Variants in RBM4B observed in about 807,000 individuals in gnomAD.
The protein encoded by RBM4B is RNA binding motif protein 4B.
In RBM4B, 13 loss-of-function variants were observed where a neutral mutation model predicts 28.5. That is an observed-to-expected ratio of 0.46 (90% confidence interval 0.30 to 0.72). RBM4B has a LOEUF of 0.72. Ranked by LOEUF, RBM4B falls within the 30% of genes least tolerant of loss-of-function variation. RBM4B has a pLI of 0.09. For missense variants in RBM4B, 387 were observed against 477.6 expected, an observed-to-expected ratio of 0.81 and a Z score of 1.77; for synonymous variants, 167 against 179.1, an observed-to-expected ratio of 0.93 and a Z score of 0.54.
intron 3 of RBM4B, chr11:66,666,430 A>G: frequency 6.1e-6 from 6 of 988,078 alleles, no homozygotes; most frequent in Non-Finnish European, 7.2e-6. Flanking sequence ...TGGCAGCCTC[A>G]TTAACATCAG....
At chr11:66,672,518 C>A (rs1204411106) in intron 2 of RBM4B, among the ~76,000 whole-genome samples, 1 of 139,298 alleles carries the variant, frequency 7.2e-6, no homozygotes, top group Non-Finnish European at 1.5e-5. Flanking sequence ...GGGGGGGGGA[C>A]AGATTCTTGC....
At chr11:66,676,266 TA>T in intron 2 of RBM4B, 1 of 279,536 alleles carries the variant, frequency 3.6e-6, no homozygotes, top group South Asian at 9.4e-5. Context: ...GTAAAGAATA[TA>T]AATCTTAAGC....
At position 66,677,788 on chromosome 11, in the gene RBM4B, G is replaced by C. The variant is rs1235796665; in HGVS notation, c.-37C>G. The stretch of plus-strand genomic sequence containing the variant: ...CCTCCGGGTGGCGGCAGCGACGGCG[G>C]CTCCCACGTCAGAGAGAACCTTACA... On this transcript the variant is annotated 5_prime_UTR_variant, in exon 1 of 4. Transcript: ENST00000310046. 1 of 152,720 alleles carries C rather than the reference G, an allele frequency of 6.5e-6. No individual in the cohort carries two copies. The highest frequency in any genetic ancestry group is 1.5e-5 in the Non-Finnish European group (1 of 68,162). 9.5% of individuals were successfully genotyped at this position (152,720 alleles called of 1,614,324 possible). A position where few individuals can be genotyped will look rare whatever the true frequency, so the allele number is the denominator to read the frequency against.
At chr11:66,677,356 G>T in intron 1 of RBM4B, 1 of 520,906 alleles carries the variant, frequency 1.9e-6, no homozygotes, top group Non-Finnish European at 3.4e-6. Flanking sequence ...ACCAGAATTA[G>T]CTGCTTCATG....
intron 3 of RBM4B, chr11:66,666,144 T>G: frequency 1.4e-6 from 1 of 740,636 alleles, no homozygotes; most frequent in Non-Finnish European, 2.0e-6. Context: ...ACAGTTCCAG[T>G]AGTTCCCCTA....
intron 1 of RBM4B, 102 bp from the exon 2 acceptor site, chr11:66,677,193 G>C: frequency 7.3e-7 from 1 of 1,374,934 alleles, no homozygotes; most frequent in Non-Finnish European, 1.0e-6. Flanking sequence ...GCACCTTCAA[G>C]ACCCTCGTAC....
intron 2 of RBM4B, among the ~76,000 whole-genome samples, chr11:66,673,760 C>T (rs180977291): frequency 1.3e-5 from 2 of 152,272 alleles, no homozygotes; most frequent in African/African-American, 4.8e-5. Flanking sequence ...CTCACCCGGG[C>T]TCAAGTGGCC....
At chr11:66,666,277 G>A (rs1323928042) in intron 3 of RBM4B, 3 of 1,117,392 alleles carry the variant, frequency 2.7e-6, no homozygotes, top group Middle Eastern at 4.0e-4. Flanking sequence ...CTCACACCAA[G>A]TTCCTCTACT....
At chr11:66,669,376 G>GTCTA in intron 2 of RBM4B, 85 bp from the exon 3 acceptor site, 4 of 1,319,170 alleles carry the variant, frequency 3.0e-6, no homozygotes, top group Non-Finnish European at 3.2e-6. Flanking sequence ...TAAATTAGTT[G>GTCTA]TCATAAGACA....
At chr11:66,677,374 A>C in intron 1 of RBM4B, 1 of 473,142 alleles carries the variant, frequency 2.1e-6, no homozygotes, top group Non-Finnish European at 3.8e-6. Context: ...ATGTCTTAAA[A>C]TGAGGGAAGA....
In RBM4B at chr11:66,676,828, G is replaced by C; in HGVS notation, c.252C>G (p.Asn84Lys). The C allele has an allele frequency of 6.2e-7, 1 of 1,614,186 alleles. No individual in the cohort carries two copies. The highest frequency in any genetic ancestry group is 8.5e-7 in the Non-Finnish European group (1 of 1,180,034). Residue 84 changes from asparagine to lysine, a missense_variant, in exon 2 of 4, where the codon AAC becomes AAG. Asn to Lys is a moderately conservative substitution (Grantham distance 94, BLOSUM62 0). Around this residue, in one of 2 missense-constraint regions of RBM4B, gnomAD observed 161 missense variants for 256.9 expected, o/e 0.63. Coordinates refer to ENST00000310046, the MANE Select transcript of RBM4B (RefSeq NM_031492.4). ...CTTGGTTGGTACAAGTGGGGCTGAT[G>C]TTACCCACGTGTAACTTGGTTGAAG... is the stretch of plus-strand genomic sequence containing the variant. ...SKASTKLHVG[N>K]ISPTCTNQEL...
intron 2 of RBM4B, 59 bp downstream of exon 2, chr11:66,676,609 C>T: frequency 1.3e-6 from 2 of 1,578,626 alleles, no homozygotes; most frequent in Non-Finnish European, 1.7e-6. Context: ...GTCTTGTGTT[C>T]TTGCCTGTTT....
At chr11:66,676,628 A>T (rs753336665) in intron 2 of RBM4B, 40 bp downstream of exon 2, 2 of 1,604,224 alleles carry the variant, frequency 1.2e-6, no homozygotes, top group Non-Finnish European at 1.7e-6. Flanking sequence ...TTTGAGCTAG[A>T]CCCCACTCGG....
rs775097552 is a variant in RBM4B at position 66,676,955 on chromosome 11, A to G, written c.125T>C (p.Ile42Thr). Residue 42 changes from isoleucine to threonine, a missense_variant, in exon 2 of 4, where the codon ATA becomes ACA. Coordinates refer to ENST00000310046, the MANE Select transcript of RBM4B (RefSeq NM_031492.4). The part of the protein sequence containing the change: ...DIIKNYGFVH[I>T]EDKTAAEDAI... ...ATCCTCAGCTGCCGTCTTGTCTTCT[A>G]TGTGCACAAAGCCGTAATTCTTAAT... 6.2e-7 allele frequency: 1 copy of G among 1,614,086 alleles called. No individual in the cohort carries two copies. The highest frequency in any genetic ancestry group is 1.7e-5 in the Admixed American group (1 of 60,008).
At position 66,676,887 on chromosome 11, in the gene RBM4B, TG is replaced by T. The variant is rs1939654694; in HGVS notation, c.192del (p.Asn64LysfsTer47). The T allele has an allele frequency of 6.2e-7, 1 of 1,614,066 alleles. No individual in the cohort carries two copies. The highest frequency in any genetic ancestry group is 1.3e-5 in the African/African-American group (1 of 74,916). ...TTATTCTTGCTGGCTTCCACGTTGA[TG>T]TTCACCCCATGAAGCTTGTAATGGT... Reference protein sequence around the residue: ...NLHHYKLHGVNINVEASKNKS... With the variant: ...NLHHYKLHGVXINVEASKNKS... On this transcript the variant is annotated frameshift_variant, in exon 2 of 4. Transcript: ENST00000310046. LOFTEE classifies it high-confidence loss of function.
At chr11:66,670,285 CAAG>C (rs930386144) in intron 2 of RBM4B, among the ~76,000 whole-genome samples, 4 of 144,402 alleles carry the variant, frequency 2.8e-5, no homozygotes, top group South Asian at 4.4e-4. Context: ...GGTCTCTCAA[CAAG>C]AAGAATTAGA....
chr11:66,668,883 TG>T lies in RBM4B; in HGVS notation c.820del (p.His274ThrfsTer91). The T allele has an allele frequency of 6.2e-7, 1 of 1,614,122 alleles. No individual in the cohort carries two copies. Among genetic ancestry groups the T allele is most frequent in the Non-Finnish European group, 8.5e-7 (1 of 1,180,020 alleles). On this transcript the variant is annotated frameshift_variant, in exon 3 of 4. Transcript: ENST00000310046. LOFTEE classifies it high-confidence loss of function. ...AGCAGCGCCAGAGTTTGGCAATAGG[TG>T]TCTGTCATAGGGATCAACAGAAGTA... ...NSTSVDPYDRHLLPNSGAAAT... is the reference protein window; with the variant it reads ...NSTSVDPYDRXLLPNSGAAAT...
intron 2 of RBM4B, 132 bp from the exon 3 acceptor site, chr11:66,669,423 C>G: frequency 1.2e-6 from 1 of 847,308 alleles, no homozygotes; most frequent in Non-Finnish European, 1.8e-6. Context: ...TTTCAGCAAC[C>G]TCCTTTAAAA....
rs1939178138 is a variant in RBM4B at position 66,665,160 on chromosome 11, G to A, written c.*428C>T. ...CCCAATGGTCCTAGCAATTTCAGAAGAGTAACTTAAGTGTTAAGAGTCCAG... is the reference window on the plus strand; with the variant it reads ...CCCAATGGTCCTAGCAATTTCAGAAAAGTAACTTAAGTGTTAAGAGTCCAG... On this transcript the variant is annotated 3_prime_UTR_variant, in exon 4 of 4. Coordinates refer to ENST00000310046, the MANE Select transcript of RBM4B (RefSeq NM_031492.4). 5.9e-6 allele frequency: 1 copy of A among 168,830 alleles called. No individual in the cohort carries two copies. 10.5% of individuals were successfully genotyped at this position (168,830 alleles called of 1,614,324 possible).
Sources: gnomAD v4.1 joint callset for allele counts (sites outside exome capture counted in the v4.1 genomes callset) on GRCh38, gnomAD v4.1.1 for gene constraint, gnomAD v4.1.1 regional missense constraint, MANE v1.5 for transcripts, NCBI Gene and HGNC (gene_info 2026-07-23, HGNC 2026-07-21) for gene names.